Variants in SH3PXD2B observed in about 807,000 individuals in gnomAD.
The protein encoded by SH3PXD2B is SH3 and PX domain-containing protein 2B.
Under a neutral mutation model 73.1 loss-of-function variants are expected in SH3PXD2B, and 37 were observed. The ratio of observed to expected loss-of-function variants is 0.51; its 90% CI spans 0.39 to 0.67. SH3PXD2B has a LOEUF of 0.67. SH3PXD2B is among the 30% of genes least tolerant of loss of function. The probability of loss-of-function intolerance (pLI) is 0.00; values close to 1 mark genes in which losing one functional copy is unlikely to be tolerated. For synonymous variants in SH3PXD2B, 457 were observed against 480.5 expected, an observed-to-expected ratio of 0.95 and a Z score of 0.64; for missense variants, 1,053 against 1,197.8, an observed-to-expected ratio of 0.88 and a Z score of 1.78.
At position 172,358,698 on chromosome 5, in the gene SH3PXD2B, A is replaced by G. The variant is rs17703000; in HGVS notation, c.667+75T>C. On this transcript the variant is annotated intron_variant, in intron 8 of 12. Coordinates refer to ENST00000311601, the MANE Select transcript of SH3PXD2B (RefSeq NM_001017995.3). The stretch of plus-strand genomic sequence containing the variant: ...GGCAGAGGCCAAAAGAAGAGATTGG[A>G]TGAAAAGGCAACCCAGTATAGGCGA... The G allele has an allele frequency of 0.068, 93,259 of 1,367,270 alleles. 4,509 individuals carry two copies. The highest frequency in any genetic ancestry group is 0.22 in the South Asian group (17,875 of 80,514). The allele number at this position is 1,367,270 out of a possible 1,614,324, so 84.7% of individuals were successfully genotyped here.
intron 12 of SH3PXD2B, among the ~76,000 whole-genome samples, chr5:172,341,569 T>C (rs1756850547): frequency 6.6e-6 from 1 of 152,246 alleles, no homozygotes. Context: ...AAGCAGATGC[T>C]GGCACCATGC....
At chr5:172,409,682 G>A (rs772349982) in intron 2 of SH3PXD2B, among the ~76,000 whole-genome samples, 25 of 152,138 alleles carry the variant, frequency 1.6e-4, no homozygotes, top group Non-Finnish European at 3.7e-4. Flanking sequence ...GTATTCAATT[G>A]TGTATGCATA....
At chr5:172,393,700 C>T (rs1014338241) in intron 4 of SH3PXD2B, among the ~76,000 whole-genome samples, 2 of 152,138 alleles carry the variant, frequency 1.3e-5, no homozygotes, top group African/African-American at 2.4e-5. Flanking sequence ...CCATCAGAAT[C>T]GCTAGTGATT....
chr5:172,364,743 C>T (rs781698086), intron 6 of SH3PXD2B, among the ~76,000 whole-genome samples: 16 of 152,142 alleles, frequency 1.1e-4, no homozygotes, highest in Non-Finnish European at 1.8e-4. Context: ...GGACAGCCAG[C>T]GCACAGAGCT....
intron 2 of SH3PXD2B, among the ~76,000 whole-genome samples, chr5:172,420,733 C>T (rs549967838): frequency 3.3e-5 from 5 of 152,288 alleles, no homozygotes; most frequent in East Asian, 1.9e-4. Context: ...TATTGATTGG[C>T]GTCGAGTTGA....
At chr5:172,342,726 A>C (rs1006986561) in intron 12 of SH3PXD2B, among the ~76,000 whole-genome samples, 2 of 151,598 alleles carry the variant, frequency 1.3e-5, no homozygotes. Flanking sequence ...GTGCCATTGC[A>C]CTCCAGCCTG....
intron 6 of SH3PXD2B, among the ~76,000 whole-genome samples, chr5:172,363,879 T>G (rs981875029): frequency 6.6e-6 from 1 of 152,140 alleles, no homozygotes; most frequent in African/African-American, 2.4e-5. Flanking sequence ...AGTTACATCT[T>G]TAAAAAGATA....
Position 172,335,725 on chromosome 5 carries a change from A to G in SH3PXD2B, c.*2644T>C. 1 of 1,231,516 alleles carries G rather than the reference A, an allele frequency of 8.1e-7. No homozygotes were observed. 76.3% of individuals were successfully genotyped at this position (1,231,516 alleles called of 1,614,324 possible). On this transcript the variant is annotated 3_prime_UTR_variant, in exon 13 of 13. Transcript: ENST00000311601. ...TAGCGACCACAGTCCTGGATGGGGT[A>G]AATCTAAGTCCCCAGGCAAGGACAG...
intron 2 of SH3PXD2B, among the ~76,000 whole-genome samples, chr5:172,410,095 T>C (rs1002206730): frequency 6.6e-6 from 1 of 152,248 alleles, no homozygotes; most frequent in African/African-American, 2.4e-5. Flanking sequence ...TGACTAGAGC[T>C]GCAATCAACA....
intron 2 of SH3PXD2B, among the ~76,000 whole-genome samples, chr5:172,408,096 G>C (rs1170455013): frequency 6.6e-6 from 1 of 152,086 alleles, no homozygotes; most frequent in Non-Finnish European, 1.5e-5. Flanking sequence ...CATCCTGGAA[G>C]CTGCTGGAAT....
At chr5:172,363,861 A>G (rs904801295) in intron 6 of SH3PXD2B, among the ~76,000 whole-genome samples, 15 of 152,212 alleles carry the variant, frequency 9.9e-5, no homozygotes, top group Non-Finnish European at 1.6e-4. Context: ...TGAGAAAGGA[A>G]TGACAAGAGT....
chr5:172,408,827 G>C (rs376721015), intron 2 of SH3PXD2B, among the ~76,000 whole-genome samples: 1 of 148,538 alleles, frequency 6.7e-6, no homozygotes, highest in East Asian at 2.0e-4. Context: ...CCTGGCCTGG[G>C]TTTTCACTTT....
chr5:172,325,935 A>G (rs889173615), intron 12 of SH3PXD2B, among the ~76,000 whole-genome samples: 6 of 152,116 alleles, frequency 3.9e-5, no homozygotes, highest in Admixed American at 2.0e-4. Flanking sequence ...TTACAGGCAT[A>G]TGCCGCCAGA....
At chr5:172,331,007 C>CATG (rs1343638273), downstream of SH3PXD2B, among the ~76,000 whole-genome samples, 3 of 152,170 alleles carry the variant, frequency 2.0e-5, no homozygotes, top group Non-Finnish European at 4.4e-5. Flanking sequence ...CCAGCCTGGC[C>CATG]AACATGGTGA....
At chr5:172,432,301 G>A (rs556298790) in intron 1 of SH3PXD2B, among the ~76,000 whole-genome samples, 378 of 152,278 alleles carry the variant, frequency 2.5e-3, no homozygotes, top group African/African-American at 8.7e-3. Context: ...CAGCCATCTT[G>A]CGTTTAGGCT....
chr5:172,332,915 C>T (rs73317772), downstream of SH3PXD2B, among the ~76,000 whole-genome samples: 603 of 148,182 alleles, frequency 4.1e-3, 5 homozygotes, highest in African/African-American at 0.014. Context: ...CATTTCCCAC[C>T]CCAAACCCCC....
chr5:172,332,658 A>C (rs1031612919), downstream of SH3PXD2B, among the ~76,000 whole-genome samples: 8 of 152,104 alleles, frequency 5.3e-5, no homozygotes, highest in Non-Finnish European at 7.4e-5. Context: ...TCCTCTAAAG[A>C]AGCATGAATA....
At chr5:172,402,886 C>G (rs143816154) in intron 3 of SH3PXD2B, among the ~76,000 whole-genome samples, 1 of 152,262 alleles carries the variant, frequency 6.6e-6, no homozygotes, top group Non-Finnish European at 1.5e-5. Flanking sequence ...TCCTCAACTC[C>G]CAGCTTTCTT....
intron 2 of SH3PXD2B, among the ~76,000 whole-genome samples, chr5:172,411,792 T>C (rs1758705082): frequency 6.6e-6 from 1 of 150,746 alleles, no homozygotes; most frequent in South Asian, 2.1e-4. Flanking sequence ...TCTGTAAGGC[T>C]GTGTGGTTTT....
Sources: gnomAD v4.1 joint callset for allele counts (sites outside exome capture counted in the v4.1 genomes callset) on GRCh38, gnomAD v4.1.1 for gene constraint, MANE v1.5 for transcripts, NCBI Gene and HGNC (gene_info 2026-07-23, HGNC 2026-07-21) for gene names.